Variants in MYO10 observed in about 807,000 individuals in gnomAD.
MYO10 encodes the protein unconventional myosin-X.
MYO10 carries 133 observed loss-of-function variants against 257.3 expected under a neutral mutation model. The ratio of observed to expected loss-of-function variants is 0.52; its 90% CI spans 0.45 to 0.60. The LOEUF is 0.60. Among genes scored for constraint, MYO10 ranks in the 20% least tolerant of loss-of-function variants. The pLI, the probability that MYO10 is intolerant of heterozygous loss-of-function variation, is 0.00. For missense variants in MYO10, 2,399 were observed against 2,635.7 expected (o/e 0.91, Z 1.97); for synonymous variants, 1,104 against 1,028.6 (o/e 1.07, Z -1.40).
At chr5:16,848,151 A>ATTTTTTTT (rs1561016484) in intron 2 of MYO10, among the ~76,000 whole-genome samples, 2 of 91,678 alleles carry the variant, frequency 2.2e-5, no homozygotes, top group African/African-American at 1.2e-4. Context: ...AGAACTACAC[A>ATTTTTTTT]TTTCTTTTTT....
At position 16,663,399 on chromosome 5, in the gene MYO10, G is replaced by T. The variant is rs1295189556; in HGVS notation, c.*3293C>A. 9.2e-6 allele frequency: 1 copy of T among 108,412 alleles called. No homozygotes were observed. Among genetic ancestry groups the T allele is most frequent in the African/African-American group, 3.7e-5 (1 of 26,756 alleles). 6.7% of individuals were successfully genotyped at this position (108,412 alleles called of 1,614,324 possible). The stretch of plus-strand genomic sequence containing the variant: ...CACCTATATGTATTAGCTTTCAAAA[G>T]ATTTAAAAATTAAAAATACTAGATT... On this transcript the variant is annotated 3_prime_UTR_variant, in exon 41 of 41. Transcript: ENST00000513610.
intron 19 of MYO10, among the ~76,000 whole-genome samples, chr5:16,725,997 C>G (rs1172705734): frequency 6.6e-6 from 1 of 152,034 alleles, no homozygotes; most frequent in East Asian, 1.9e-4. Flanking sequence ...GTTGGCCAGG[C>G]TGGTCTCAAA....
At chr5:16,917,996 A>C (rs1420086432) in intron 1 of MYO10, among the ~76,000 whole-genome samples, 1 of 152,222 alleles carries the variant, frequency 6.6e-6, no homozygotes, top group Non-Finnish European at 1.5e-5. Flanking sequence ...TAAACTACAG[A>C]ATACGTATTC....
intron 19 of MYO10, among the ~76,000 whole-genome samples, chr5:16,736,893 C>T (rs1427657589): frequency 6.6e-6 from 1 of 152,104 alleles, no homozygotes; most frequent in Non-Finnish European, 1.5e-5. Context: ...CAAAATTTGT[C>T]GTAGACCCCT....
intron 3 of MYO10, among the ~76,000 whole-genome samples, chr5:16,808,272 G>A (rs1742335251): frequency 6.6e-6 from 1 of 152,046 alleles, no homozygotes; most frequent in South Asian, 2.1e-4. Flanking sequence ...AGACCAACCT[G>A]AGCAACACGA....
At chr5:16,872,681 G>A (rs1047927422) in intron 2 of MYO10, among the ~76,000 whole-genome samples, 2 of 152,116 alleles carry the variant, frequency 1.3e-5, no homozygotes, top group African/African-American at 4.8e-5. Flanking sequence ...AAGAAAAAGA[G>A]GTTTAATTGG....
intron 19 of MYO10, among the ~76,000 whole-genome samples, chr5:16,728,651 TGG>T: frequency 6.6e-6 from 1 of 152,284 alleles, no homozygotes; most frequent in South Asian, 2.1e-4. Context: ...CAAGAGCCAG[TGG>T]GCAAGACAAG....
chr5:16,796,292 AAAG>A (rs577351160), intron 3 of MYO10, among the ~76,000 whole-genome samples: 156 of 149,732 alleles, frequency 1.0e-3, no homozygotes, highest in Non-Finnish European at 1.8e-3. Context: ...AGAAAGAAGA[AAAG>A]AAAGAAGGAA....
intron 18 of MYO10, among the ~76,000 whole-genome samples, chr5:16,757,321 C>A (rs868586542): frequency 1.4e-5 from 2 of 142,018 alleles, no homozygotes; most frequent in Admixed American, 1.4e-4. Flanking sequence ...CACACGCACA[C>A]ACACACACAC....
chr5:16,815,294 A>C, intron 3 of MYO10: 1 of 512,454 alleles, frequency 2.0e-6, no homozygotes, highest in Non-Finnish European at 3.4e-6. Context: ...TGGATTTTGG[A>C]ATATTTGCAT....
rs1396013688 is a variant in MYO10, at chr5:16,685,765, A to C, written c.3963T>G (p.Asp1321Glu). ...CAGCATTCTGTGGGTTTGCCTGCTC[A>C]TCATGCATCTCCTGGATCTCCTGGT... is the stretch of plus-strand genomic sequence containing the variant. ...STDQEIQEMHDEQANPQNAVG... is the reference protein window; with the variant it reads ...STDQEIQEMHEEQANPQNAVG... The change falls in exon 29 of 41, where the codon GAT (aspartate) becomes GAG (glutamate). Residue 1321 changes from aspartate (D) to glutamate (E), a missense_variant. Asp to Glu is a conservative substitution (Grantham distance 45, BLOSUM62 2). Transcript: ENST00000513610. 6.2e-7 allele frequency: 1 copy of C among 1,600,334 alleles called. No individual in the cohort carries two copies. Among genetic ancestry groups the C allele is most frequent in the East Asian group, 2.3e-5 (1 of 44,408 alleles).
intron 1 of MYO10, among the ~76,000 whole-genome samples, chr5:16,926,172 AT>A (rs533437140): frequency 1.8e-4 from 27 of 152,292 alleles, no homozygotes; most frequent in Non-Finnish European, 3.5e-4. Flanking sequence ...AACAATAAAT[AT>A]TTTTTTCAAA....
chr5:16,858,556 C>T (rs201605938), intron 2 of MYO10, among the ~76,000 whole-genome samples: 175 of 152,082 alleles, frequency 1.2e-3, no homozygotes, highest in East Asian at 5.6e-3. Context: ...TTCAATCCTC[C>T]GAGGTAACCA....
intron 1 of MYO10, 48 bp downstream of exon 1, chr5:16,935,740 C>T: frequency 6.2e-7 from 1 of 1,612,338 alleles, no homozygotes; most frequent in Non-Finnish European, 8.5e-7. Context: ...GGGCAGACGC[C>T]TCTCTCCCTG....
At chr5:16,919,793 A>G (rs1162899869) in intron 1 of MYO10, among the ~76,000 whole-genome samples, 1 of 152,128 alleles carries the variant, frequency 6.6e-6, no homozygotes, top group African/African-American at 2.4e-5. Context: ...CCTGGCCAAC[A>G]TGGAGAAACC....
chr5:16,676,268 C>G, intron 33 of MYO10, 114 bp from the exon 34 acceptor site: 5 of 1,297,906 alleles, frequency 3.9e-6, no homozygotes, highest in Non-Finnish European at 5.3e-6. Context: ...GGTGGAAATC[C>G]AGTGTTAGGT....
At chr5:16,713,243 A>G in intron 19 of MYO10, 7 of 889,106 alleles carry the variant, frequency 7.9e-6, no homozygotes, top group Non-Finnish European at 9.4e-6. Context: ...AAGTCTGTAC[A>G]ATTCCCCAGT....
chr5:16,774,482 T>C lies in MYO10; in HGVS notation c.930+5063A>G, dbSNP rs188619507. On this transcript the variant is annotated intron_variant, in intron 9 of 40. Transcript: ENST00000513610. ...TGTTGCCCAGGCTGGAGTGCAACGG[T>C]GCAATCTCAGCTCAATGCAAGCTCT... Among the ~76,000 whole-genome samples the C allele has an allele frequency of 2.6e-3, 391 of 152,256 alleles. 1 individual carries two copies. The highest frequency in any genetic ancestry group is 9.1e-3 in the African/African-American group (380 of 41,554).
chr5:16,692,781 T>C (rs1034475376), intron 27 of MYO10, among the ~76,000 whole-genome samples: 2 of 151,902 alleles, frequency 1.3e-5, no homozygotes, highest in Non-Finnish European at 2.9e-5. Flanking sequence ...TCCTGTTCTA[T>C]AGGAGGTGAC....
Sources: allele counts gnomAD v4.1 joint callset (sites outside exome capture counted in the v4.1 genomes callset), GRCh38; gene constraint gnomAD v4.1.1; transcripts MANE v1.5; gene names NCBI Gene and HGNC (gene_info 2026-07-23, HGNC 2026-07-21).